ARHGEF10L: variants seen among roughly 807,000 people sequenced by gnomAD.
ARHGEF10L encodes the protein rho guanine nucleotide exchange factor 10-like protein.
Under a neutral mutation model 141.2 loss-of-function variants are expected in ARHGEF10L, and 69 were observed. The observed-to-expected ratio is 0.49, with a 90% confidence interval of 0.40 to 0.60. The LOEUF (loss-of-function observed/expected upper bound fraction) is 0.60, where lower values mean the gene tolerates loss of function less well. ARHGEF10L is among the 20% of genes least tolerant of loss of function. ARHGEF10L has a pLI of 0.00. For synonymous variants in ARHGEF10L, 711 were observed against 718.5 expected (o/e 0.99, Z 0.17); for missense variants, 1,482 against 1,734.3 (o/e 0.85, Z 2.58).
chr1:17,675,118 C>A (rs2102327476), intron 26 of ARHGEF10L, among the ~76,000 whole-genome samples: 1 of 152,342 alleles, frequency 6.6e-6, no homozygotes, highest in East Asian at 1.9e-4. Context: ...CTCCCCCTCC[C>A]CAGCCCTACC....
At chr1:17,614,014 C>A (rs1452692827) in intron 8 of ARHGEF10L, among the ~76,000 whole-genome samples, 1 of 152,228 alleles carries the variant, frequency 6.6e-6, no homozygotes, top group Admixed American at 6.5e-5. Context: ...ATCTACATGC[C>A]TGACCGCCCT....
chr1:17,696,752 T>C, intron 28 of ARHGEF10L, 96 bp from the exon 29 acceptor site: 1 of 1,155,440 alleles, frequency 8.7e-7, no homozygotes, highest in East Asian at 2.7e-5. Flanking sequence ...CCCCCCCAAA[T>C]ACCCACCCAG....
the ARHGEF10L span, among the ~76,000 whole-genome samples, chr1:17,525,549 C>T: frequency 1.1e-3 from 167 of 152,282 alleles, 1 homozygote; most frequent in African/African-American, 3.9e-3. Context: ...GTCCCAGCTA[C>T]TCAGGAGGCT....
chr1:17,675,755 T>C (rs1299824640), intron 26 of ARHGEF10L, among the ~76,000 whole-genome samples: 4 of 138,628 alleles, frequency 2.9e-5, no homozygotes, highest in African/African-American at 1.1e-4. Flanking sequence ...CAGGTGTAGG[T>C]ACAGGCATGA....
chr1:17,680,508 G>A (rs2064037080), intron 26 of ARHGEF10L, among the ~76,000 whole-genome samples: 1 of 152,212 alleles, frequency 6.6e-6, no homozygotes, highest in South Asian at 2.1e-4. Context: ...GGGTGGATGG[G>A]GGGCTGCAGG....
Position 17,607,729 on chromosome 1 carries a change from T to C in ARHGEF10L, c.434-73T>C. On this transcript the variant is annotated intron_variant, in intron 6 of 28. Transcript: ENST00000361221. This position sits in a 1 kb window ranked among gnomAD's most constrained non-coding sequence, Gnocchi z 4.5. ...CCCTCGCCCCACCTGGGTTCAGAAA[T>C]TGGGTCTGAGGCTGGAAGTCTGGTA... 7.2e-7 allele frequency: 1 copy of C among 1,382,526 alleles called. No homozygotes were observed. The highest frequency in any genetic ancestry group is 9.4e-7 in the Non-Finnish European group (1 of 1,063,282). The allele number at this position is 1,382,526 out of a possible 1,614,324, so 85.6% of individuals were successfully genotyped here.
At chr1:17,648,720 G>T in intron 22 of ARHGEF10L, 45 bp downstream of exon 22, 1 of 1,597,246 alleles carries the variant, frequency 6.3e-7, no homozygotes. Context: ...AGGTGGCTGC[G>T]GCTCCCCCTC....
chr1:17,552,153 G>A (rs1051136694), intron 1 of ARHGEF10L, among the ~76,000 whole-genome samples: 1 of 152,164 alleles, frequency 6.6e-6, no homozygotes, highest in Non-Finnish European at 1.5e-5. Flanking sequence ...GGCCAGTGAG[G>A]GAGGCAGTCC....
chr1:17,642,692 G>A (rs975644446), intron 21 of ARHGEF10L, among the ~76,000 whole-genome samples: 3 of 152,198 alleles, frequency 2.0e-5, no homozygotes, highest in African/African-American at 4.8e-5. Context: ...TGGGTGACCA[G>A]AAGGCCTTTG....
Position 17,616,128 on chromosome 1 carries a change from C to A in ARHGEF10L, c.761C>A (p.Thr254Asn). The change falls in exon 9 of 29, where the codon ACC becomes AAC. Residue 254 changes from threonine (T) to asparagine (N), a missense_variant. By Grantham distance (65) the Thr-to-Asn change is moderately conservative (BLOSUM62 0). Transcript: ENST00000361221. Reference sequence around the variant, plus strand: ...CTCATGAAGGCCGCCAAGAGCGGGACCAAGGATGGGCTGGAGAAGACACGG... The same window carrying A: ...CTCATGAAGGCCGCCAAGAGCGGGAACAAGGATGGGCTGGAGAAGACACGG... Reference protein sequence around the residue: ...TQLMKAAKSGTKDGLEKTRMA... With the variant: ...TQLMKAAKSGNKDGLEKTRMA... The A allele has an allele frequency of 5.6e-6, 9 of 1,613,788 alleles. No individual in the cohort carries two copies. The highest frequency in any genetic ancestry group is 7.6e-6 in the Non-Finnish European group (9 of 1,179,990).
intron 2 of ARHGEF10L, among the ~76,000 whole-genome samples, chr1:17,584,857 GCACA>G (rs140219740): frequency 0.027 from 3,874 of 140,974 alleles, 61 homozygotes; most frequent in Middle Eastern, 0.08. Context: ...ACGTGTGCGT[GCACA>G]CACACACACA....
rs866455892 is a variant in ARHGEF10L, at chr1:17,616,001, C to G, written c.727-93C>G. The G allele has an allele frequency of 5.8e-6, 6 of 1,040,710 alleles. No homozygotes were observed. The Middle Eastern group carries it at 8.4e-4, about 145-fold the overall frequency. The allele number at this position is 1,040,710 out of a possible 1,614,324, so 64.5% of individuals were successfully genotyped here. On this transcript the variant is annotated intron_variant, in intron 8 of 28. Coordinates refer to ENST00000361221, the MANE Select transcript of ARHGEF10L (RefSeq NM_018125.4). ...AGGGAAGGGTCTGGGTGGTTCTGAT[C>G]TCTGCAGGCCGAGGCCTGGGGAGGC...
chr1:17,562,088 A>G (rs1424237348), intron 1 of ARHGEF10L, among the ~76,000 whole-genome samples: 1 of 152,144 alleles, frequency 6.6e-6, no homozygotes, highest in Non-Finnish European at 1.5e-5. Context: ...GATATTAGCC[A>G]TTGCAGGTGG....
At chr1:17,610,311 T>C (rs1197783478) in intron 7 of ARHGEF10L, among the ~76,000 whole-genome samples, 1 of 152,228 alleles carries the variant, frequency 6.6e-6, no homozygotes, top group Non-Finnish European at 1.5e-5. Context: ...AATGCTGGGC[T>C]GTACTCACCA....
At chr1:17,668,744 G>C (rs1171324527) in intron 26 of ARHGEF10L, among the ~76,000 whole-genome samples, 4 of 152,228 alleles carry the variant, frequency 2.6e-5, no homozygotes, top group African/African-American at 7.2e-5. Context: ...GCGCGGTGCG[G>C]GCAGCTTGCC....
intron 1 of ARHGEF10L, among the ~76,000 whole-genome samples, chr1:17,560,137 C>T (rs72648405): frequency 2.0e-5 from 3 of 152,244 alleles, no homozygotes; most frequent in Non-Finnish European, 4.4e-5. Context: ...TCCAGGGGAA[C>T]GAGGTCACCT....
chr1:17,639,966 C>T lies in ARHGEF10L; in HGVS notation c.2172-236C>T, dbSNP rs1375923778. The stretch of plus-strand genomic sequence containing the variant: ...TGGAGCCAGGCTGGGGAGCGTGGCT[C>T]AGCCACCCTGGCCAGGTACCTCCCT... On this transcript the variant is annotated intron_variant, in intron 20 of 28. Coordinates refer to ENST00000361221, the MANE Select transcript of ARHGEF10L (RefSeq NM_018125.4). This position sits in a 1 kb window ranked among gnomAD's most constrained non-coding sequence, Gnocchi z 4.3. The T allele has an allele frequency of 1.3e-6, 2 of 1,496,998 alleles. No individual in the cohort carries two copies. Among genetic ancestry groups the T allele is most frequent in the Admixed American group, 4.1e-5 (2 of 48,826 alleles). The allele number at this position is 1,496,998 out of a possible 1,614,324, so 92.7% of individuals were successfully genotyped here. A position where few individuals can be genotyped will look rare whatever the true frequency, so the allele number is the denominator to read the frequency against.
intron 4 of ARHGEF10L, among the ~76,000 whole-genome samples, chr1:17,595,711 C>T (rs1341989060): frequency 2.0e-5 from 3 of 152,112 alleles, no homozygotes; most frequent in African/African-American, 7.2e-5. Context: ...GCCCCCGTGC[C>T]TGGAGGAGAG....
rs1409213376 is a variant in ARHGEF10L at position 17,654,410 on chromosome 1, T to C, written c.2395-226T>C. Among the ~76,000 whole-genome samples the C allele has an allele frequency of 6.6e-6, 1 of 152,176 alleles. No individual in the cohort carries two copies. The highest frequency in any genetic ancestry group is 1.5e-5 in the Non-Finnish European group (1 of 68,032). On this transcript the variant is annotated intron_variant, in intron 22 of 28. Coordinates refer to ENST00000361221, the MANE Select transcript of ARHGEF10L (RefSeq NM_018125.4). This position sits in a 1 kb window ranked among gnomAD's most constrained non-coding sequence, Gnocchi z 4.3. ...AGAGACCCTGGGCTGATACAGAGCCTCTTGCAGGCCTCTTCTAGCCGGAAG... is the reference window on the plus strand; with the variant it reads ...AGAGACCCTGGGCTGATACAGAGCCCCTTGCAGGCCTCTTCTAGCCGGAAG...
Sources: gnomAD v4.1 joint callset for allele counts (sites outside exome capture counted in the v4.1 genomes callset) on GRCh38, gnomAD v4.1.1 for gene constraint, Gnocchi (gnomAD v3.1) non-coding constraint, MANE v1.5 for transcripts, NCBI Gene and HGNC (gene_info 2026-07-23, HGNC 2026-07-21) for gene names.